Variants in FERMT3 observed in about 807,000 individuals in gnomAD.
FERMT3 encodes the protein fermitin family homolog 3.
FERMT3 carries 33 observed loss-of-function variants against 80.8 expected under a neutral mutation model. The observed-to-expected ratio is 0.41, with a 90% CI of 0.31 to 0.55. The LOEUF is 0.55. Ranked by LOEUF, FERMT3 falls within the 20% of genes least tolerant of loss-of-function variation. The pLI is 0.31. For synonymous variants in FERMT3, 375 were observed against 372.2 expected, an observed-to-expected ratio of 1.01 and a Z score of -0.09; for missense variants, 754 against 908.7, an observed-to-expected ratio of 0.83 and a Z score of 2.19.
chr11:64,220,369 G>A (rs1312545412), intron 11 of FERMT3, 43 bp downstream of exon 11: 1 of 1,608,184 alleles, frequency 6.2e-7, no homozygotes, highest in Non-Finnish European at 8.5e-7. Context: ...GCAGGAGCTG[G>A]GGCAGGGGCA....
chr11:64,211,483 C>G lies in FERMT3; in HGVS notation c.683+40C>G, dbSNP rs764278195. On this transcript the variant is annotated intron_variant, in intron 5 of 14. Transcript: ENST00000345728. The surrounding 1 kb of genome is among the most constrained non-coding windows in gnomAD (Gnocchi z 4.7). Reference sequence around the variant, plus strand: ...CACGCCCCCTGTGTCAGGGCTCCCCCACCCAGGATCCACCCCCTGTCCCGT... The same window carrying G: ...CACGCCCCCTGTGTCAGGGCTCCCCGACCCAGGATCCACCCCCTGTCCCGT... 5.8e-5 allele frequency: 89 copies of G among 1,545,834 alleles called. 1 individual carries two copies. In the South Asian group the frequency reaches 6.3e-4, roughly 11 times the overall value.
Position 64,211,573 on chromosome 11 carries a change from C to G in FERMT3, c.684-72C>G. 2.0e-6 allele frequency: 3 copies of G among 1,537,952 alleles called. No homozygotes were observed. Among genetic ancestry groups the G allele is most frequent in the Non-Finnish European group, 8.8e-7 (1 of 1,134,272 alleles). On this transcript the variant is annotated intron_variant, in intron 5 of 14. Transcript: ENST00000345728. The surrounding 1 kb of genome is among the most constrained non-coding windows in gnomAD (Gnocchi z 4.7). ...TTTTCTCTGTGTGTGCTTGTCCCCC[C>G]AGCCCAGCCCCCCTCCCCACCCCAC... is the stretch of plus-strand genomic sequence containing the variant.
chr11:64,221,347 C>T (rs753616528), intron 13 of FERMT3, among the ~76,000 whole-genome samples: 3 of 152,184 alleles, frequency 2.0e-5, no homozygotes, highest in Non-Finnish European at 2.9e-5. Flanking sequence ...ACAAAGCTCA[C>T]GCCAGGTACT....
At chr11:64,207,580 G>A in intron 2 of FERMT3, 56 bp downstream of exon 2, 3 of 1,562,606 alleles carry the variant, frequency 1.9e-6, no homozygotes, top group Non-Finnish European at 2.6e-6. Flanking sequence ...CGCCACGGGT[G>A]TCTCTGGGCA....
At chr11:64,222,950 C>A in intron 13 of FERMT3, 98 bp from the exon 14 acceptor site, 7 of 1,535,736 alleles carry the variant, frequency 4.6e-6, no homozygotes, top group Non-Finnish European at 6.3e-6. Flanking sequence ...GAGCTGCAGT[C>A]GGGAAGGGCT....
At position 64,220,457 on chromosome 11, in the gene FERMT3, A is replaced by C; in HGVS notation, c.1333A>C (p.Met445Leu). ...CQDEQQYARW[M>L]AGCRLASKGR... ...CCAGGAGCAGCAGTATGCCCGCTGG[A>C]TGGCTGGCTGCCGCCTGGCCTCCAA... Residue 445 changes from methionine to leucine, a missense_variant, in exon 12 of 15, where the codon ATG becomes CTG. Transcript: ENST00000345728. 6.2e-7 allele frequency: 1 copy of C among 1,610,828 alleles called. No individual in the cohort carries two copies. Among genetic ancestry groups the C allele is most frequent in the Non-Finnish European group, 8.5e-7 (1 of 1,179,144 alleles).
chr11:64,223,115 G>C lies in FERMT3; in HGVS notation c.1738G>C (p.Ala580Pro), dbSNP rs905523221. The change falls in exon 14 of 15, where the codon GCC becomes CCC. Residue 580 changes from alanine (A) to proline (P), a missense_variant. Coordinates refer to ENST00000345728, the MANE Select transcript of FERMT3 (RefSeq NM_031471.6). ...ANNRLIRIDLAVGDVVKTWRF... is the reference protein window; with the variant it reads ...ANNRLIRIDLPVGDVVKTWRF... ...CAACCGACTGATCCGCATCGACTTG[G>C]CCGTGGGCGACGTGGTCAAGACCTG... 6.2e-7 allele frequency: 1 copy of C among 1,613,960 alleles called. No individual in the cohort carries two copies.
At position 64,207,460 on chromosome 11, in the gene FERMT3, C is replaced by T. The variant is rs754901103; in HGVS notation, c.96C>T (p.Val32=). The change falls in exon 2 of 15, where the codon GTC becomes GTT. Residue 32 remains valine (V), a synonymous_variant. Transcript: ENST00000345728. ...AGGAGGACCCAGAGGCCGAGTCGGT[C>T]ACCCTGCGGGTCACTGGGGAGTCGC... is the stretch of plus-strand genomic sequence containing the variant. ...VGEEDPEAES[V]TLRVTGESHI... 2.5e-6 allele frequency: 4 copies of T among 1,613,946 alleles called. No homozygotes were observed. Among genetic ancestry groups the T allele is most frequent in the Non-Finnish European group, 3.4e-6 (4 of 1,179,992 alleles).
In FERMT3 at chr11:64,210,708, G is replaced by C; in HGVS notation, c.258G>C (p.Leu86=). 1.9e-6 allele frequency: 3 copies of C among 1,614,156 alleles called. No individual in the cohort carries two copies. Among genetic ancestry groups the C allele is most frequent in the South Asian group, 2.2e-5 (2 of 91,088 alleles). Residue 86 remains leucine (L), a synonymous_variant, in exon 3 of 15, where the codon CTG becomes CTC. Coordinates refer to ENST00000345728, the MANE Select transcript of FERMT3 (RefSeq NM_031471.6). This position sits in a 1 kb window ranked among gnomAD's most constrained non-coding sequence, Gnocchi z 4.3. The part of the protein sequence containing the change: ...THWTLDKYGI[L]ADARLFFGPQ... ...GGACACTGGACAAGTACGGGATCCT[G>C]GCCGACGCACGCCTCTTCTTTGGGC...
rs780115000 is a variant in FERMT3 at position 64,219,675 on chromosome 11, G to A, written c.1029+17G>A. 1 of 1,613,856 alleles carries A rather than the reference G, an allele frequency of 6.2e-7. No individual in the cohort carries two copies. The highest frequency in any genetic ancestry group is 1.1e-5 in the South Asian group (1 of 91,084). On this transcript the variant is annotated intron_variant, in intron 8 of 14. Transcript: ENST00000345728. The surrounding 1 kb of genome is among the most constrained non-coding windows in gnomAD (Gnocchi z 4.0). ...GATGTGCTGGTGAGGAGGGGCTCAG[G>A]GCAGGGGCTGGGCAGGGAGAACTGT...
chr11:64,215,445 G>A (rs906931249), intron 6 of FERMT3, among the ~76,000 whole-genome samples: 2 of 151,122 alleles, frequency 1.3e-5, no homozygotes, highest in Non-Finnish European at 2.9e-5. Flanking sequence ...CTGGATATGA[G>A]CACTTTGCCA....
At position 64,211,614 on chromosome 11, in the gene FERMT3, A is replaced by C; in HGVS notation, c.684-31A>C. ...CCCACCCCACGGCCGTACCTGGCGC[A>C]GCCCTGACTGCTGCTTCTGCCGCGG... is the stretch of plus-strand genomic sequence containing the variant. On this transcript the variant is annotated intron_variant, in intron 5 of 14. Transcript: ENST00000345728. The surrounding 1 kb of genome is among the most constrained non-coding windows in gnomAD (Gnocchi z 4.7). The C allele has an allele frequency of 2.5e-6, 4 of 1,608,906 alleles. No individual in the cohort carries two copies. The highest frequency in any genetic ancestry group is 1.7e-6 in the Non-Finnish European group (2 of 1,177,894).
At chr11:64,216,852 T>A (rs566498725) in intron 6 of FERMT3, among the ~76,000 whole-genome samples, 2 of 149,950 alleles carry the variant, frequency 1.3e-5, no homozygotes, top group Non-Finnish European at 3.0e-5. Flanking sequence ...ATTTTTGTAC[T>A]CTACAAGGAT....
intron 1 of FERMT3, among the ~76,000 whole-genome samples, chr11:64,207,113 G>A (rs751658162): frequency 2.6e-5 from 4 of 152,222 alleles, no homozygotes; most frequent in South Asian, 2.1e-4. Flanking sequence ...CAGTCTGCCC[G>A]CCTGTAGGAT....
At chr11:64,212,101 A>G (rs1454604128) in intron 6 of FERMT3, among the ~76,000 whole-genome samples, 1 of 152,148 alleles carries the variant, frequency 6.6e-6, no homozygotes, top group African/African-American at 2.4e-5. Flanking sequence ...GAGAGGCCCA[A>G]GCCTGGGAGC....
At position 64,210,009 on chromosome 11, in the gene FERMT3, C is replaced by T. The variant is rs535216495; in HGVS notation, c.161-602C>T. ...ATCGTCATGTGCGTGCACAAGTTTG[C>T]TGCAAACCCTGCAGCTACCACATGG... On this transcript the variant is annotated intron_variant, in intron 2 of 14. Coordinates refer to ENST00000345728, the MANE Select transcript of FERMT3 (RefSeq NM_031471.6). The surrounding 1 kb of genome is among the most constrained non-coding windows in gnomAD (Gnocchi z 4.3). Among the ~76,000 whole-genome samples, 1 of 152,322 alleles carries T rather than the reference C, an allele frequency of 6.6e-6. No individual in the cohort carries two copies. The highest frequency in any genetic ancestry group is 2.4e-5 in the African/African-American group (1 of 41,560).
At position 64,219,180 on chromosome 11, in the gene FERMT3, T is replaced by C. The variant is rs1812946300; in HGVS notation, c.787-71T>C. 11 of 1,431,440 alleles carry C rather than the reference T, an allele frequency of 7.7e-6. No individual in the cohort carries two copies. In the South Asian group the frequency reaches 1.1e-4, roughly 14 times the overall value. The allele number at this position is 1,431,440 out of a possible 1,614,324, so 88.7% of individuals were successfully genotyped here. On this transcript the variant is annotated intron_variant, in intron 6 of 14. Coordinates refer to ENST00000345728, the MANE Select transcript of FERMT3 (RefSeq NM_031471.6). This position sits in a 1 kb window ranked among gnomAD's most constrained non-coding sequence, Gnocchi z 4.0. ...GCAGAGGGCCAAGGCTGGCAGGGGC[T>C]CAGTGCAGGGCGTCCAGGGCAGCTG... is the stretch of plus-strand genomic sequence containing the variant.
At chr11:64,220,193 C>A (rs1417782825) in intron 10 of FERMT3, 27 bp from the exon 11 acceptor site, 1 of 1,611,438 alleles carries the variant, frequency 6.2e-7, no homozygotes, top group East Asian at 2.2e-5. Flanking sequence ...CTCCCGACCT[C>A]CTAGACCACC....
chr11:64,208,327 G>A (rs1240762410), intron 2 of FERMT3, among the ~76,000 whole-genome samples: 1 of 152,210 alleles, frequency 6.6e-6, no homozygotes, highest in Non-Finnish European at 1.5e-5. Flanking sequence ...GAGAATAGAA[G>A]TGAGGAACAG....
Sources: gnomAD v4.1 joint callset for allele counts (sites outside exome capture counted in the v4.1 genomes callset) on GRCh38, gnomAD v4.1.1 for gene constraint, Gnocchi (gnomAD v3.1) non-coding constraint, MANE v1.5 for transcripts, NCBI Gene and HGNC (gene_info 2026-07-23, HGNC 2026-07-21) for gene names.